RSRC1: variants seen among roughly 807,000 people sequenced by gnomAD.
RSRC1 encodes the protein serine/Arginine-related protein 53.
In RSRC1, 39 loss-of-function variants were observed where a neutral mutation model predicts 49.1. The ratio of observed to expected loss-of-function variants is 0.79; its 90% confidence interval spans 0.61 to 1.04. The LOEUF (loss-of-function observed/expected upper bound fraction) is 1.04, where lower values mean the gene tolerates loss of function less well. Ranked by LOEUF, RSRC1 falls within the 50% of genes least tolerant of loss-of-function variation. The pLI, the probability that RSRC1 is intolerant of heterozygous loss-of-function variation, is 0.00. For synonymous variants in RSRC1, 143 were observed against 130.8 expected (o/e 1.09, Z -0.63); for missense variants, 388 against 402.4 (o/e 0.96, Z 0.31).
chr3:158,255,407 C>G (rs528711588), intron 4 of RSRC1, among the ~76,000 whole-genome samples: 1 of 152,286 alleles, frequency 6.6e-6, no homozygotes, highest in South Asian at 2.1e-4. Context: ...GGCCTCTGTT[C>G]TGTTCCATTG....
intron 8 of RSRC1, among the ~76,000 whole-genome samples, chr3:158,542,433 G>T (rs1277054499): frequency 6.6e-6 from 1 of 152,192 alleles, no homozygotes; most frequent in South Asian, 2.1e-4. Flanking sequence ...TACTCGGGAG[G>T]CTGAAGCAGG....
chr3:158,124,906 T>G (rs1715519605), intron 3 of RSRC1, among the ~76,000 whole-genome samples: 1 of 150,874 alleles, frequency 6.6e-6, no homozygotes, highest in African/African-American at 2.4e-5. Context: ...AGCCTCAAAC[T>G]CCTGGGCTCA....
intron 7 of RSRC1, among the ~76,000 whole-genome samples, chr3:158,466,962 G>T (rs1294739107): frequency 6.6e-6 from 1 of 152,166 alleles, no homozygotes; most frequent in Non-Finnish European, 1.5e-5. Flanking sequence ...AGGAGGCTGA[G>T]GCAGGAGGAT....
intron 4 of RSRC1, among the ~76,000 whole-genome samples, chr3:158,235,613 C>T (rs61244743): frequency 0.14 from 20,922 of 150,880 alleles, 1,578 homozygotes; most frequent in Middle Eastern, 0.21. Context: ...AAACTTAACA[C>T]TACAGAATTT....
At chr3:158,211,511 C>T (rs115030022) in intron 4 of RSRC1, among the ~76,000 whole-genome samples, 165 of 151,976 alleles carry the variant, frequency 1.1e-3, no homozygotes, top group African/African-American at 3.9e-3. Flanking sequence ...ATCAATTACA[C>T]CTCCACTGGA....
At chr3:158,508,801 A>G (rs1740005482) in intron 7 of RSRC1, among the ~76,000 whole-genome samples, 1 of 152,068 alleles carries the variant, frequency 6.6e-6, no homozygotes, top group Admixed American at 6.6e-5. Flanking sequence ...GCATTTTATC[A>G]TCTCACGTCA....
intron 6 of RSRC1, among the ~76,000 whole-genome samples, chr3:158,434,526 G>C (rs1239951554): frequency 6.6e-6 from 1 of 151,866 alleles, no homozygotes; most frequent in Non-Finnish European, 1.5e-5. Flanking sequence ...CACCGATATT[G>C]GGTACTTTGT....
At chr3:158,205,374 A>G (rs1424909005) in intron 4 of RSRC1, among the ~76,000 whole-genome samples, 1 of 152,108 alleles carries the variant, frequency 6.6e-6, no homozygotes, top group African/African-American at 2.4e-5. Context: ...TTTTTGTTAA[A>G]TATTTAATAT....
intron 4 of RSRC1, among the ~76,000 whole-genome samples, chr3:158,284,593 T>A (rs564208281): frequency 5.5e-5 from 8 of 145,002 alleles, no homozygotes; most frequent in Admixed American, 2.8e-4. Flanking sequence ...TTCTAACTGG[T>A]GTGAGATGGT....
chr3:158,330,031 G>A (rs1414651534), intron 5 of RSRC1, among the ~76,000 whole-genome samples: 1 of 152,214 alleles, frequency 6.6e-6, no homozygotes, highest in Non-Finnish European at 1.5e-5. Context: ...GACCCTCCGA[G>A]CCAGGCGCAG....
At chr3:158,236,023 T>C (rs891832030) in intron 4 of RSRC1, among the ~76,000 whole-genome samples, 1 of 151,416 alleles carries the variant, frequency 6.6e-6, no homozygotes, top group Non-Finnish European at 1.5e-5. Flanking sequence ...GGCTGAGGCA[T>C]GAGAACTCCA....
chr3:158,126,871 GTTTTTTTTGTTTTTGTTT>G (rs1715659368), intron 3 of RSRC1, among the ~76,000 whole-genome samples: 1 of 150,282 alleles, frequency 6.7e-6, no homozygotes, highest in South Asian at 2.1e-4. Context: ...GATTGACAGG[GTTTTTTTTGTTTTTGTTT>G]TTGTTTTTGT....
chr3:158,248,019 A>G (rs150500518), intron 4 of RSRC1, among the ~76,000 whole-genome samples: 83 of 152,328 alleles, frequency 5.4e-4, no homozygotes, highest in Non-Finnish European at 9.7e-4. Flanking sequence ...CTATCTGGAT[A>G]TTTCAGTTGA....
intron 5 of RSRC1, among the ~76,000 whole-genome samples, chr3:158,300,187 A>G (rs1163656296): frequency 2.0e-5 from 3 of 152,194 alleles, no homozygotes; most frequent in African/African-American, 7.2e-5. Context: ...TTTCAAAGAT[A>G]AGCATTTTGG....
chr3:158,484,974 C>T (rs1391873785), intron 7 of RSRC1, among the ~76,000 whole-genome samples: 1 of 152,044 alleles, frequency 6.6e-6, no homozygotes, highest in Non-Finnish European at 1.5e-5. Context: ...TATATGAAAG[C>T]TAAATATTTA....
At chr3:158,511,180 T>C (rs376512019) in intron 7 of RSRC1, among the ~76,000 whole-genome samples, 4 of 152,242 alleles carry the variant, frequency 2.6e-5, no homozygotes. Context: ...TATGTATACA[T>C]GTGCCATGCT....
chr3:158,243,938 G>T (rs1723736201), intron 4 of RSRC1, among the ~76,000 whole-genome samples: 1 of 148,060 alleles, frequency 6.8e-6, no homozygotes. Flanking sequence ...AAGCTTTTGG[G>T]CTGAGACTAT....
chr3:158,372,046 T>TTTTTTTTTTTTTTTTTTTTTTTTG (rs1247998134), intron 6 of RSRC1, among the ~76,000 whole-genome samples: 2 of 139,716 alleles, frequency 1.4e-5, no homozygotes, highest in Non-Finnish European at 3.3e-5. Flanking sequence ...TGCTGAGTTT[T>TTTTTTTTTTTTTTTTTTTTTTTTG]AAGAGTTTGT....
At chr3:158,195,896 T>C (rs1461879405) in intron 3 of RSRC1, among the ~76,000 whole-genome samples, 2 of 152,108 alleles carry the variant, frequency 1.3e-5, no homozygotes, top group African/African-American at 4.8e-5. Context: ...TTCTGGTTAC[T>C]GTAGCCTTGT....
Sources: allele counts gnomAD v4.1 joint callset (sites outside exome capture counted in the v4.1 genomes callset), GRCh38; gene constraint gnomAD v4.1.1; transcripts MANE v1.5; gene names NCBI Gene and HGNC (gene_info 2026-07-23, HGNC 2026-07-21).